AFF3: variants seen among roughly 807,000 people sequenced by gnomAD.
The protein encoded by AFF3 is AF4/FMR2 family member 3.
AFF3 carries 32 observed loss-of-function variants against 129.7 expected under a neutral mutation model. The ratio of observed to expected loss-of-function variants is 0.25; its 90% CI spans 0.19 to 0.33. The LOEUF (loss-of-function observed/expected upper bound fraction) is 0.33. Ranked by LOEUF, AFF3 falls within the 10% of genes least tolerant of loss-of-function variation. The pLI, the probability that AFF3 is intolerant of heterozygous loss-of-function variation, is 1.00. For missense variants in AFF3, 1,373 were observed against 1,592.0 expected (o/e 0.86, Z 2.34); for synonymous variants, 644 against 635.4 (o/e 1.01, Z -0.20).
At chr2:99,727,209 T>C in intron 10 of AFF3, 81 bp from the exon 11 acceptor site, 2 of 1,321,666 alleles carry the variant, frequency 1.5e-6, no homozygotes, top group South Asian at 2.6e-5. Flanking sequence ...TATATTTCCA[T>C]GCTCCTATTA....
chr2:99,997,538 A>G (rs1680967561), intron 7 of AFF3, among the ~76,000 whole-genome samples: 1 of 150,036 alleles, frequency 6.7e-6, no homozygotes, highest in Admixed American at 6.7e-5. Flanking sequence ...CTGACCCATT[A>G]CAGCTCATTC....
chr2:100,106,197 A>G (rs1691280854), intron 2 of AFF3: 1 of 1,189,340 alleles, frequency 8.4e-7, no homozygotes, highest in Non-Finnish European at 1.1e-6. Flanking sequence ...AGCATCCATA[A>G]CTAATGTGCA....
intron 7 of AFF3, among the ~76,000 whole-genome samples, chr2:99,966,152 C>G (rs1292295454): frequency 6.6e-6 from 1 of 152,134 alleles, no homozygotes; most frequent in Non-Finnish European, 1.5e-5. Flanking sequence ...CCATCTTTCT[C>G]TGTCAGGACT....
At chr2:99,705,447 C>A (rs1677267631) in intron 11 of AFF3, among the ~76,000 whole-genome samples, 1 of 151,990 alleles carries the variant, frequency 6.6e-6, no homozygotes, top group Admixed American at 6.5e-5. Flanking sequence ...TCAGGCATTT[C>A]TTCCTGAAAT....
chr2:99,601,296 C>G, intron 14 of AFF3, 139 bp downstream of exon 14: 1 of 1,056,382 alleles, frequency 9.5e-7, no homozygotes, highest in South Asian at 2.7e-5. Context: ...AGCCCATAGC[C>G]TCCTCCTTCC....
intron 7 of AFF3, among the ~76,000 whole-genome samples, chr2:99,935,673 T>C (rs1368987426): frequency 1.3e-5 from 2 of 152,216 alleles, no homozygotes; most frequent in African/African-American, 2.4e-5. Context: ...TCAGTGTTTC[T>C]AGGACCCCAT....
intron 7 of AFF3, among the ~76,000 whole-genome samples, chr2:99,903,090 A>G (rs757497296): frequency 3.9e-5 from 6 of 152,176 alleles, no homozygotes; most frequent in Non-Finnish European, 7.3e-5. Flanking sequence ...TAGGTACACC[A>G]GCATATATGT....
At chr2:99,648,069 C>T (rs561875667) in intron 13 of AFF3, among the ~76,000 whole-genome samples, 2 of 152,260 alleles carry the variant, frequency 1.3e-5, no homozygotes, top group African/African-American at 4.8e-5. Flanking sequence ...TCCTTATTTT[C>T]CTAAAATAGG....
intron 7 of AFF3, among the ~76,000 whole-genome samples, chr2:100,004,302 T>C (rs1681736509): frequency 1.3e-5 from 2 of 152,228 alleles, no homozygotes; most frequent in South Asian, 4.1e-4. Context: ...AGCAGTATCT[T>C]TATTTTTAAA....
At chr2:100,078,771 T>A (rs1688799917) in intron 4 of AFF3, among the ~76,000 whole-genome samples, 1 of 152,152 alleles carries the variant, frequency 6.6e-6, no homozygotes, top group Non-Finnish European at 1.5e-5. Flanking sequence ...CTCCCTGATA[T>A]AAAACGGCAT....
chr2:99,807,636 G>C (rs1236076846), intron 8 of AFF3, among the ~76,000 whole-genome samples: 1 of 152,156 alleles, frequency 6.6e-6, no homozygotes, highest in Non-Finnish European at 1.5e-5. Flanking sequence ...GGTAAAATAA[G>C]GCAGGCCTCA....
chr2:99,979,551 T>C (rs926370972), intron 7 of AFF3, among the ~76,000 whole-genome samples: 3 of 152,082 alleles, frequency 2.0e-5, no homozygotes, highest in Admixed American at 6.6e-5. Context: ...TAATCACAGT[T>C]CACTGCAACC....
At chr2:99,578,504 G>T (rs1241410855) in intron 17 of AFF3, 53 bp from the exon 18 acceptor site, 1 of 1,603,348 alleles carries the variant, frequency 6.2e-7, no homozygotes, top group African/African-American at 1.3e-5. Context: ...GGTGAAGCGA[G>T]CAGCCCATCA....
chr2:99,904,409 GA>G (rs75319381), intron 7 of AFF3, among the ~76,000 whole-genome samples: 171 of 140,978 alleles, frequency 1.2e-3, no homozygotes, highest in East Asian at 4.7e-3. Context: ...TTAGAGTTCG[GA>G]AAAAAAAAAA....
chr2:99,995,562 T>C (rs913096716), intron 7 of AFF3, among the ~76,000 whole-genome samples: 2 of 152,026 alleles, frequency 1.3e-5, no homozygotes, highest in African/African-American at 4.8e-5. Context: ...TTAGTAGAGA[T>C]GGGGTTTCAC....
At chr2:99,734,992 T>C (rs1680129989) in intron 10 of AFF3, among the ~76,000 whole-genome samples, 1 of 152,188 alleles carries the variant, frequency 6.6e-6, no homozygotes, top group South Asian at 2.1e-4. Context: ...TGTCTAGCCT[T>C]GAAATTGTGT....
intron 4 of AFF3, among the ~76,000 whole-genome samples, chr2:100,050,912 G>T (rs757962692): frequency 6.6e-6 from 1 of 152,114 alleles, no homozygotes; most frequent in South Asian, 2.1e-4. Context: ...GAACAGTCCC[G>T]CGGAAAGAAG....
chr2:99,913,602 T>C (rs1695254234), intron 7 of AFF3, among the ~76,000 whole-genome samples: 2 of 152,330 alleles, frequency 1.3e-5, no homozygotes, highest in South Asian at 4.1e-4. Flanking sequence ...TGAGCACATG[T>C]GGTATCCGGA....
intron 11 of AFF3, among the ~76,000 whole-genome samples, chr2:99,673,858 C>T (rs902828447): frequency 5.3e-5 from 8 of 152,192 alleles, no homozygotes; most frequent in Non-Finnish European, 1.0e-4. Flanking sequence ...CCCCACCTGT[C>T]TATGCATGTG....
Sources: gnomAD v4.1 joint callset for allele counts (sites outside exome capture counted in the v4.1 genomes callset) on GRCh38, gnomAD v4.1.1 for gene constraint, MANE v1.5 for transcripts, NCBI Gene and HGNC (gene_info 2026-07-23, HGNC 2026-07-21) for gene names.